Variants in FCHSD2 observed in about 807,000 individuals in gnomAD.
FCHSD2 encodes FCH and double SH3 domains 2.
Under a neutral mutation model 108.1 loss-of-function variants are expected in FCHSD2, and 38 were observed. The ratio of observed to expected loss-of-function variants is 0.35; its 90% CI spans 0.27 to 0.46. FCHSD2 has a LOEUF of 0.46. Among genes scored for constraint, FCHSD2 ranks in the 20% least tolerant of loss-of-function variants. The pLI is 1.00. For synonymous variants in FCHSD2, 279 were observed against 314.7 expected (o/e 0.89, Z 1.20); for missense variants, 751 against 897.8 (o/e 0.84, Z 2.09).
At chr11:72,900,220 T>TACCAAACCAAA in intron 10 of FCHSD2, 1 of 886,390 alleles carries the variant, frequency 1.1e-6, no homozygotes, top group Non-Finnish European at 1.8e-6. Context: ...AACCCACACT[T>TACCAAACCAAA]CCCATCCCTC....
At chr11:72,974,943 G>A (rs1020992107) in intron 8 of FCHSD2, among the ~76,000 whole-genome samples, 2 of 152,124 alleles carry the variant, frequency 1.3e-5, no homozygotes, top group Admixed American at 1.3e-4. Context: ...AGAGGTACAA[G>A]AGCTAGAGAC....
chr11:73,093,713 T>C (rs879891718), intron 2 of FCHSD2, among the ~76,000 whole-genome samples: 43 of 152,144 alleles, frequency 2.8e-4, no homozygotes, highest in Non-Finnish European at 5.6e-4. Context: ...GCGATTCTCC[T>C]GCCTCAGCCT....
rs574857509 is a variant in FCHSD2 at position 73,070,720 on chromosome 11, C to A, written c.165+12975G>T. Among the ~76,000 whole-genome samples, 14 of 151,892 alleles carry A rather than the reference C, an allele frequency of 9.2e-5. No individual in the cohort carries two copies. In the South Asian group the frequency reaches 2.9e-3, roughly 32 times the overall value. On this transcript the variant is annotated intron_variant, in intron 3 of 19. Coordinates refer to ENST00000409418, the MANE Select transcript of FCHSD2 (RefSeq NM_014824.3). ...GTATTACAGGCGTGAGCCACCATAC[C>A]CGGCCTAAATGTCAAATTAAAAAAA...
intron 8 of FCHSD2, among the ~76,000 whole-genome samples, chr11:72,973,054 C>G (rs572400334): frequency 6.6e-5 from 10 of 152,246 alleles, no homozygotes; most frequent in Admixed American, 3.9e-4. Flanking sequence ...CAATAAACAA[C>G]TAAAATTTCC....
intron 7 of FCHSD2, among the ~76,000 whole-genome samples, chr11:72,984,815 G>A (rs1349192580): frequency 6.6e-6 from 1 of 152,196 alleles, no homozygotes; most frequent in Non-Finnish European, 1.5e-5. Context: ...AAAGACAACA[G>A]GCTGCCTAAG....
intron 2 of FCHSD2, among the ~76,000 whole-genome samples, chr11:73,115,733 G>C (rs976220427): frequency 1.4e-4 from 21 of 152,206 alleles, no homozygotes; most frequent in Admixed American, 3.3e-4. Context: ...ACTGAGATAG[G>C]AGTTGATGCT....
intron 9 of FCHSD2, among the ~76,000 whole-genome samples, chr11:72,917,624 G>A (rs1242351042): frequency 1.3e-5 from 2 of 152,116 alleles, no homozygotes; most frequent in Admixed American, 6.6e-5. Flanking sequence ...AGTGGCTGAC[G>A]CCTGTAATCC....
chr11:73,064,629 G>A (rs1859246809), intron 3 of FCHSD2, among the ~76,000 whole-genome samples: 2 of 152,006 alleles, frequency 1.3e-5, no homozygotes, highest in Non-Finnish European at 2.9e-5. Context: ...TGGGATCAGT[G>A]GTGATATCCT....
intron 13 of FCHSD2, among the ~76,000 whole-genome samples, chr11:72,851,470 G>T (rs1323393780): frequency 6.6e-6 from 1 of 152,136 alleles, no homozygotes; most frequent in African/African-American, 2.4e-5. Flanking sequence ...GCCGGGTGAG[G>T]TGGCTCATTC....
chr11:72,875,333 G>T (rs1343889743), intron 12 of FCHSD2, among the ~76,000 whole-genome samples: 1 of 151,818 alleles, frequency 6.6e-6, no homozygotes, highest in African/African-American at 2.4e-5. Flanking sequence ...CAATTCTAGG[G>T]GTCAATATTA....
chr11:72,963,936 T>C (rs1856859757), intron 8 of FCHSD2, among the ~76,000 whole-genome samples: 1 of 152,152 alleles, frequency 6.6e-6, no homozygotes, highest in Admixed American at 6.6e-5. Flanking sequence ...GATTTCACAG[T>C]TGAATAACAA....
chr11:72,931,948 A>G (rs534167204), intron 8 of FCHSD2, among the ~76,000 whole-genome samples: 97 of 152,302 alleles, frequency 6.4e-4, no homozygotes, highest in Non-Finnish European at 1.0e-4. Context: ...AGACTGACTT[A>G]TATTTTGACC....
intron 3 of FCHSD2, 61 bp from the exon 4 acceptor site, chr11:73,015,946 C>G (rs1857962190): frequency 1.1e-6 from 1 of 897,034 alleles, no homozygotes. Context: ...AGCTCTTTTC[C>G]TTAAAATACA....
At chr11:72,996,683 T>A (rs1591468833) in intron 5 of FCHSD2, among the ~76,000 whole-genome samples, 1 of 152,300 alleles carries the variant, frequency 6.6e-6, no homozygotes, top group East Asian at 1.9e-4. Flanking sequence ...TTTAAAATGT[T>A]GTAGAGGAAA....
chr11:72,991,531 T>C (rs1857414579), intron 5 of FCHSD2, among the ~76,000 whole-genome samples: 2 of 152,138 alleles, frequency 1.3e-5, no homozygotes, highest in Admixed American at 6.5e-5. Flanking sequence ...GTGGGCTTCA[T>C]CCCCGGGATG....
chr11:72,979,443 C>T (rs954204836), intron 8 of FCHSD2, among the ~76,000 whole-genome samples: 2 of 151,810 alleles, frequency 1.3e-5, no homozygotes, highest in African/African-American at 4.8e-5. Flanking sequence ...AAGAATTAAT[C>T]CAAGAAATCA....
intron 8 of FCHSD2, among the ~76,000 whole-genome samples, chr11:72,957,030 T>TTC (rs796729795): frequency 1.3e-4 from 19 of 151,628 alleles, no homozygotes; most frequent in African/African-American, 4.4e-4. Context: ...TTTTTTTTTT[T>TTC]TTCTTCTTTT....
At chr11:72,843,575 T>G (rs146830265) in intron 14 of FCHSD2, 43 bp from the exon 15 acceptor site, 1 of 1,412,666 alleles carries the variant, frequency 7.1e-7, no homozygotes, top group Non-Finnish European at 1.0e-6. Flanking sequence ...AAAGGTTAGA[T>G]AAGGAGCAGA....
chr11:72,905,911 G>A (rs1039899072), intron 9 of FCHSD2, among the ~76,000 whole-genome samples: 1 of 152,186 alleles, frequency 6.6e-6, no homozygotes, highest in Non-Finnish European at 1.5e-5. Flanking sequence ...GTGTGCATGT[G>A]TCTTTATAGC....
Sources: gnomAD v4.1 joint callset for allele counts (sites outside exome capture counted in the v4.1 genomes callset) on GRCh38, gnomAD v4.1.1 for gene constraint, MANE v1.5 for transcripts, NCBI Gene and HGNC (gene_info 2026-07-23, HGNC 2026-07-21) for gene names.